Variants in PDLIM5 observed in about 807,000 individuals in gnomAD.
PDLIM5 encodes the protein PDZ and LIM domain 5.
Under a neutral mutation model 64.2 loss-of-function variants are expected in PDLIM5, and 34 were observed. That is an observed-to-expected ratio of 0.53 (90% CI 0.40 to 0.71). The LOEUF is 0.71. PDLIM5 is among the 30% of genes least tolerant of loss of function. PDLIM5 has a pLI of 0.00. For synonymous variants in PDLIM5, 253 were observed against 269.1 expected, an observed-to-expected ratio of 0.94 and a Z score of 0.59; for missense variants, 683 against 733.6, an observed-to-expected ratio of 0.93 and a Z score of 0.80.
chr4:94,575,810 C>G lies in PDLIM5; in HGVS notation c.486C>G (p.Ser162=), dbSNP rs370388744. The G allele has an allele frequency of 1.9e-6, 3 of 1,614,124 alleles. No individual in the cohort carries two copies. Among genetic ancestry groups the G allele is most frequent in the South Asian group, 1.1e-5 (1 of 91,082 alleles). The change falls in exon 5 of 13, where the codon TCC becomes TCG. Residue 162 remains serine (S), a synonymous_variant. Coordinates refer to ENST00000317968, the MANE Select transcript of PDLIM5 (RefSeq NM_006457.5). The part of the protein sequence containing the change: ...PAHATTSSHA[S]PSPVAAVTPP... Reference sequence around the variant, plus strand: ...ATGCGACCACCTCATCACATGCTTCCCCTTCACCCGTGGCTGCCGTCACTC... The same window carrying G: ...ATGCGACCACCTCATCACATGCTTCGCCTTCACCCGTGGCTGCCGTCACTC...
intron 10 of PDLIM5, 27 bp downstream of exon 10, chr4:94,654,667 GA>G (rs776206585): frequency 1.2e-5 from 17 of 1,451,362 alleles, no homozygotes; most frequent in Non-Finnish European, 1.6e-5. Context: ...TTTTTATTCT[GA>G]ATGAGTTTTA....
At chr4:94,469,888 G>T (rs540535853) in intron 2 of PDLIM5, among the ~76,000 whole-genome samples, 5 of 149,674 alleles carry the variant, frequency 3.3e-5, no homozygotes, top group Admixed American at 2.7e-4. Context: ...TTTAGTTATA[G>T]TTCTAACACA....
intron 8 of PDLIM5, among the ~76,000 whole-genome samples, chr4:94,638,325 G>A (rs1740735615): frequency 6.6e-6 from 1 of 152,126 alleles, no homozygotes; most frequent in African/African-American, 2.4e-5. Flanking sequence ...AAAAGTGTGG[G>A]TCTAAGAGAA....
At chr4:94,642,132 A>C (rs1741045909) in intron 9 of PDLIM5, among the ~76,000 whole-genome samples, 1 of 152,240 alleles carries the variant, frequency 6.6e-6, no homozygotes, top group Non-Finnish European at 1.5e-5. Context: ...TGTAAGTTAC[A>C]GTACTTTGGT....
At chr4:94,514,771 A>T (rs1729219869) in intron 2 of PDLIM5, among the ~76,000 whole-genome samples, 1 of 152,082 alleles carries the variant, frequency 6.6e-6, no homozygotes, top group Non-Finnish European at 1.5e-5. Flanking sequence ...TTGGTAAGTT[A>T]TATGTGTCTA....
At chr4:94,603,881 T>C (rs974823342) in intron 7 of PDLIM5, among the ~76,000 whole-genome samples, 2 of 152,120 alleles carry the variant, frequency 1.3e-5, no homozygotes, top group East Asian at 1.9e-4. Context: ...ATCACACCAC[T>C]GATAGATTAA....
chr4:94,585,062 A>T (rs1736052268), intron 5 of PDLIM5: 12 of 878,698 alleles, frequency 1.4e-5, no homozygotes, highest in Non-Finnish European at 2.1e-5. Flanking sequence ...TTATAAGTGC[A>T]GTTTTTTACT....
chr4:94,570,944 T>C (rs969094365), intron 3 of PDLIM5, among the ~76,000 whole-genome samples: 11 of 152,204 alleles, frequency 7.2e-5, no homozygotes, highest in African/African-American at 2.7e-4. Context: ...ATAATCTTTA[T>C]CATTCTAGTT....
chr4:94,532,551 C>T (rs572196669), intron 3 of PDLIM5, among the ~76,000 whole-genome samples: 305 of 152,260 alleles, frequency 2.0e-3, no homozygotes, highest in African/African-American at 7.0e-3. Context: ...GAAACACTTG[C>T]GCCTGGGTCG....
chr4:94,474,379 C>T (rs141999497), intron 2 of PDLIM5, among the ~76,000 whole-genome samples: 39 of 151,950 alleles, frequency 2.6e-4, no homozygotes, highest in African/African-American at 8.9e-4. Context: ...GCCTCCCGAG[C>T]GGCTGGGATT....
chr4:94,566,784 A>G (rs1198242078), intron 3 of PDLIM5, among the ~76,000 whole-genome samples: 1 of 152,226 alleles, frequency 6.6e-6, no homozygotes, highest in African/African-American at 2.4e-5. Context: ...ATAAATAGTC[A>G]AACTTCAGAT....
chr4:94,551,598 C>G (rs1162217666), intron 3 of PDLIM5, among the ~76,000 whole-genome samples: 1 of 152,020 alleles, frequency 6.6e-6, no homozygotes, highest in South Asian at 2.1e-4. Context: ...ATTTCATCTC[C>G]CCAAATAAAC....
At chr4:94,623,237 T>TGCAATCTCAG (rs1739398903) in intron 8 of PDLIM5, among the ~76,000 whole-genome samples, 2 of 152,242 alleles carry the variant, frequency 1.3e-5, no homozygotes, top group South Asian at 4.1e-4. Flanking sequence ...TTGGTCCCCT[T>TGCAATCTCAG]GCAATCTCAG....
At chr4:94,492,188 C>G (rs1000736899) in intron 2 of PDLIM5, among the ~76,000 whole-genome samples, 1 of 146,262 alleles carries the variant, frequency 6.8e-6, no homozygotes, top group African/African-American at 2.7e-5. Context: ...ATTTATGAAG[C>G]AGGATCTTCA....
At chr4:94,511,557 C>T (rs188100556) in intron 2 of PDLIM5, among the ~76,000 whole-genome samples, 1 of 151,462 alleles carries the variant, frequency 6.6e-6, no homozygotes, top group Non-Finnish European at 1.5e-5. Flanking sequence ...AAGTCTCATA[C>T]ATTCCTTTTA....
At chr4:94,623,838 A>G (rs74356513) in intron 8 of PDLIM5, among the ~76,000 whole-genome samples, 2,564 of 152,308 alleles carry the variant, frequency 0.017, 75 homozygotes, top group African/African-American at 0.058. Flanking sequence ...AAAGGCTGCT[A>G]TTAGAAAATA....
chr4:94,620,293 G>A (rs1739116886), intron 8 of PDLIM5, among the ~76,000 whole-genome samples: 2 of 152,160 alleles, frequency 1.3e-5, no homozygotes, highest in South Asian at 4.1e-4. Context: ...TCATAGCTGA[G>A]TGCGGTGGCT....
chr4:94,535,479 A>G (rs1731237555), intron 3 of PDLIM5, among the ~76,000 whole-genome samples: 2 of 152,160 alleles, frequency 1.3e-5, no homozygotes, highest in African/African-American at 4.8e-5. Flanking sequence ...CTGCTGCTGC[A>G]CTTGGTGAAC....
At chr4:94,626,365 G>A (rs1006446235) in intron 8 of PDLIM5, among the ~76,000 whole-genome samples, 7 of 152,062 alleles carry the variant, frequency 4.6e-5, no homozygotes, top group Admixed American at 4.6e-4. Flanking sequence ...ATTTAAATAG[G>A]CATTATTTAA....
Sources: allele counts gnomAD v4.1 joint callset (sites outside exome capture counted in the v4.1 genomes callset), GRCh38; gene constraint gnomAD v4.1.1; transcripts MANE v1.5; gene names NCBI Gene and HGNC (gene_info 2026-07-23, HGNC 2026-07-21).